MYH15: variants seen among roughly 807,000 people sequenced by gnomAD.
The protein encoded by MYH15 is myosin heavy chain 15, also known as myosin-15.
A neutral mutation model predicts 240.5 loss-of-function variants in MYH15; 227 were observed. The observed-to-expected ratio is 0.94, with a 90% CI of 0.85 to 1.05. The LOEUF is 1.05. Among genes scored for constraint, MYH15 ranks in the 50% least tolerant of loss-of-function variants. The pLI is 0.00. For missense variants in MYH15, 2,217 were observed against 2,247.5 expected (o/e 0.99, Z 0.27); for synonymous variants, 785 against 796.7 (o/e 0.99, Z 0.25).
intron 22 of MYH15, among the ~76,000 whole-genome samples, chr3:108,441,887 T>C (rs904799654): frequency 1.3e-5 from 2 of 152,210 alleles, no homozygotes; most frequent in Non-Finnish European, 2.9e-5. Context: ...ACAAAGAGCA[T>C]GTGGTACTCT....
chr3:108,520,646 T>C lies in MYH15; in HGVS notation c.-58+8617A>G, dbSNP rs2083610957. Among the ~76,000 whole-genome samples, 3 of 152,148 alleles carry C rather than the reference T, an allele frequency of 2.0e-5. No homozygotes were observed. The South Asian group carries it at 6.2e-4, about 32-fold the overall frequency. On this transcript the variant is annotated intron_variant, in intron 1 of 41. Coordinates refer to the MYH15 transcript ENST00000273353. ...AGACTAATTTAACTCATTCCTCAAA[T>C]GCTTGCTACATAATAGGATTAGACA...
chr3:108,524,236 T>C lies in MYH15; in HGVS notation c.-58+5027A>G, dbSNP rs114648716. ...GGCCTTTTCATTCTTTATAACTTTT[T>C]GACAATCCAATAGGTATAATGTAAT... On this transcript the variant is annotated intron_variant, in intron 1 of 41. Transcript: ENST00000273353. Among the ~76,000 whole-genome samples, 799 of 152,150 alleles carry C rather than the reference T, an allele frequency of 5.3e-3. 6 individuals carry two copies. Among genetic ancestry groups the C allele is most frequent in the African/African-American group, 0.019 (770 of 41,558 alleles).
intron 30 of MYH15, 42 bp downstream of exon 30, chr3:108,414,190 A>C (rs1308200247): frequency 1.3e-6 from 2 of 1,579,040 alleles, no homozygotes; most frequent in Non-Finnish European, 1.7e-6. Context: ...ATACTGCTCC[A>C]TGTGAGTAAC....
chr3:108,410,966 G>T, intron 30 of MYH15, 34 bp from the exon 31 acceptor site: 1 of 1,510,886 alleles, frequency 6.6e-7, no homozygotes, highest in Non-Finnish European at 9.1e-7. Context: ...AGTGAGTGAG[G>T]CAATAACTCT....
At chr3:108,382,523 A>G (rs1244398571) in intron 40 of MYH15, among the ~76,000 whole-genome samples, 1 of 152,210 alleles carries the variant, frequency 6.6e-6, no homozygotes, top group African/African-American at 2.4e-5. Flanking sequence ...TCAGGAGTCC[A>G]TGGAACAAAG....
At chr3:108,544,740 T>TTATA in the MYH15 span, among the ~76,000 whole-genome samples, 1 of 152,186 alleles carries the variant, frequency 6.6e-6, no homozygotes, top group African/African-American at 2.4e-5. Context: ...CCTTCCTTGA[T>TTATA]ATTATAATTA....
intron 22 of MYH15, among the ~76,000 whole-genome samples, chr3:108,443,636 G>A (rs1395681113): frequency 2.6e-5 from 4 of 152,062 alleles, no homozygotes; most frequent in Non-Finnish European, 4.4e-5. Flanking sequence ...TGACACGTTA[G>A]CATCATACTG....
chr3:108,428,885 T>C lies in MYH15; in HGVS notation c.3313-4A>G, dbSNP rs761817958. ...CTTTCAAATCCTTTATTTGAGTCTG[T>C]AGCAAGAAATAATTTTGACTTTTAC... On this transcript the variant is annotated splice_polypyrimidine_tract_variant and splice_region_variant and intron_variant, in intron 26 of 40. Transcript: ENST00000693548. 11 of 1,586,232 alleles carry C rather than the reference T, an allele frequency of 6.9e-6. No homozygotes were observed. The Admixed American group carries it at 1.5e-4, about 22-fold the overall frequency.
chr3:108,406,832 G>A (rs1295954667), intron 32 of MYH15, among the ~76,000 whole-genome samples: 2 of 152,172 alleles, frequency 1.3e-5, no homozygotes, highest in African/African-American at 4.8e-5. Flanking sequence ...TGACCCACGT[G>A]ATGATCGACT....
intron 40 of MYH15, 39 bp from the exon 41 acceptor site, chr3:108,381,598 G>A: frequency 6.2e-7 from 1 of 1,610,984 alleles, no homozygotes; most frequent in Non-Finnish European, 8.5e-7. Flanking sequence ...TGAATTTCCT[G>A]TGATTTTCAC....
At chr3:108,383,253 G>A (rs941479042) in intron 40 of MYH15, among the ~76,000 whole-genome samples, 2 of 152,124 alleles carry the variant, frequency 1.3e-5, no homozygotes, top group Admixed American at 6.6e-5. Flanking sequence ...ATTTTGAGCC[G>A]ATCCATCTGT....
intron 30 of MYH15, 138 bp from the exon 31 acceptor site, chr3:108,411,070 C>T: frequency 1.5e-6 from 1 of 661,840 alleles, no homozygotes; most frequent in Middle Eastern, 4.1e-4. Context: ...TATAAAGCAA[C>T]AGCAGCTCCT....
intron 26 of MYH15, among the ~76,000 whole-genome samples, chr3:108,429,281 T>C (rs1336614582): frequency 2.0e-5 from 3 of 152,230 alleles, no homozygotes; most frequent in Non-Finnish European, 2.9e-5. Flanking sequence ...CTCAACTATC[T>C]AGGACTTGGG....
At chr3:108,523,998 A>G (rs1576282679) in intron 1 of MYH15, among the ~76,000 whole-genome samples, 1 of 150,738 alleles carries the variant, frequency 6.6e-6, no homozygotes, top group Admixed American at 6.6e-5. Flanking sequence ...TGCCGTTATA[A>G]AAAAATGTAA....
chr3:108,469,700 C>G (rs569918578), intron 14 of MYH15, among the ~76,000 whole-genome samples: 2 of 152,280 alleles, frequency 1.3e-5, no homozygotes, highest in South Asian at 4.1e-4. Flanking sequence ...ATCAGTTAGG[C>G]CCTACAGTGC....
chr3:108,417,049 T>C, intron 28 of MYH15, 119 bp from the exon 29 acceptor site: 1 of 762,456 alleles, frequency 1.3e-6, no homozygotes, highest in Non-Finnish European at 2.2e-6. Context: ...TTTTGATATT[T>C]AGGAAGGGTC....
intron 1 of MYH15, 94 bp from the exon 2 acceptor site, chr3:108,505,923 T>C: frequency 1.3e-6 from 1 of 762,828 alleles, no homozygotes; most frequent in South Asian, 2.4e-5. Context: ...TAATCTCATT[T>C]CTGCTAAATC....
At chr3:108,484,943 T>C (rs2083293541) in intron 11 of MYH15, 148 bp downstream of exon 11, 2 of 774,872 alleles carry the variant, frequency 2.6e-6, no homozygotes, top group East Asian at 5.2e-5. Context: ...AGAATGGTAG[T>C]TGACAGAACC....
At chr3:108,388,473 T>C (rs1468108119) in intron 38 of MYH15, among the ~76,000 whole-genome samples, 2 of 152,200 alleles carry the variant, frequency 1.3e-5, no homozygotes, top group African/African-American at 2.4e-5. Context: ...CTCTCTTTAG[T>C]ATTTTGTTTC....
Sources: allele counts gnomAD v4.1 joint callset (sites outside exome capture counted in the v4.1 genomes callset), GRCh38; gene constraint gnomAD v4.1.1; transcripts MANE v1.5; gene names NCBI Gene and HGNC (gene_info 2026-07-23, HGNC 2026-07-21).